The following PATJ variants were observed in gnomAD, a reference collection of about 807,000 sequenced individuals.
The protein encoded by PATJ is PATJ crumbs cell polarity complex component, also known as inaD-like protein.
PATJ carries 190 observed loss-of-function variants against 224.9 expected under a neutral mutation model. The ratio of observed to expected loss-of-function variants is 0.84; its 90% CI spans 0.75 to 0.95. The LOEUF (loss-of-function observed/expected upper bound fraction) is 0.95, where lower values mean the gene tolerates loss of function less well. Among genes scored for constraint, PATJ ranks in the 40% least tolerant of loss-of-function variants. The pLI is 0.00. For synonymous variants in PATJ, 769 were observed against 820.3 expected (o/e 0.94, Z 1.07); for missense variants, 2,121 against 2,270.3 (o/e 0.93, Z 1.34).
At chr1:61,858,962 A>ACCATCTT (rs1664135333) in intron 18 of PATJ, among the ~76,000 whole-genome samples, 1 of 152,068 alleles carries the variant, frequency 6.6e-6, no homozygotes, top group Non-Finnish European at 1.5e-5. Context: ...TGATGCCATG[A>ACCATCTT]GGTGCTTGGT....
At chr1:61,835,319 C>T (rs1659995302) in intron 17 of PATJ, among the ~76,000 whole-genome samples, 1 of 152,132 alleles carries the variant, frequency 6.6e-6, no homozygotes, top group South Asian at 2.1e-4. Context: ...TATCTAGAAC[C>T]ACTAGGTGGT....
intron 27 of PATJ, among the ~76,000 whole-genome samples, chr1:61,962,891 G>A (rs899618629): frequency 9.2e-5 from 14 of 152,160 alleles, no homozygotes; most frequent in Non-Finnish European, 1.6e-4. Context: ...TGCCAGCCCA[G>A]CCGCCAGAAA....
Position 61,897,640 on chromosome 1 carries a change from G to A in PATJ, c.3132-1943G>A, listed in dbSNP as rs942627309. On this transcript the variant is annotated intron_variant, in intron 22 of 43. Transcript: ENST00000642238. ...CCAGCTGATTCTCCTTCCTTTTAAT[G>A]AGTTTTCCTGGAAGTCTCATCTAGG... is the stretch of plus-strand genomic sequence containing the variant. Among the ~76,000 whole-genome samples the A allele has an allele frequency of 2.0e-5, 3 of 152,192 alleles. No homozygotes were observed. The East Asian group carries it at 5.8e-4, about 29-fold the overall frequency.
At chr1:61,947,778 C>A (rs1477470510) in intron 27 of PATJ, among the ~76,000 whole-genome samples, 1 of 152,160 alleles carries the variant, frequency 6.6e-6, no homozygotes, top group Non-Finnish European at 1.5e-5. Flanking sequence ...GCAAAAAGAA[C>A]AAAGCTGGAG....
chr1:61,816,988 T>A (rs545178859), intron 14 of PATJ, among the ~76,000 whole-genome samples: 1 of 152,338 alleles, frequency 6.6e-6, no homozygotes, highest in African/African-American at 2.4e-5. Context: ...CCGTAGAGAA[T>A]TATTATTCAG....
chr1:62,012,819 T>A (rs1459610423), intron 28 of PATJ, among the ~76,000 whole-genome samples: 1 of 151,998 alleles, frequency 6.6e-6, no homozygotes, highest in Non-Finnish European at 1.5e-5. Context: ...ACCCTAAATG[T>A]GTTATTTTTA....
At chr1:61,792,499 A>G (rs988431775) in intron 9 of PATJ, among the ~76,000 whole-genome samples, 2 of 151,864 alleles carry the variant, frequency 1.3e-5, no homozygotes, top group African/African-American at 4.8e-5. Context: ...GGAAAGTATC[A>G]TTTTACTATT....
intron 33 of PATJ, among the ~76,000 whole-genome samples, chr1:62,108,129 A>C (rs565488088): frequency 6.6e-6 from 1 of 152,388 alleles, no homozygotes; most frequent in Non-Finnish European, 1.5e-5. Context: ...TAAAATGTAA[A>C]TAAGAATGAC....
chr1:61,975,443 C>A (rs1040352336), intron 27 of PATJ, among the ~76,000 whole-genome samples: 2 of 152,032 alleles, frequency 1.3e-5, no homozygotes, highest in Non-Finnish European at 2.9e-5. Context: ...TAGCCCAGAG[C>A]CAGTATTCAG....
At chr1:61,962,009 G>A (rs922578416) in intron 27 of PATJ, among the ~76,000 whole-genome samples, 1 of 151,586 alleles carries the variant, frequency 6.6e-6, no homozygotes, top group African/African-American at 2.4e-5. Context: ...TGTGAATACG[G>A]AAGTCTCTGT....
In PATJ at chr1:61,850,904, T is replaced by A. The variant is rs551390870; in HGVS notation, c.2113-5126T>A. On this transcript the variant is annotated intron_variant, in intron 17 of 43. Transcript: ENST00000642238. Reference sequence around the variant, plus strand: ...CAAGAGCTTAGTAAGTGTTACCAGCTGTTGTTGTTATTCCTATATGATGGG... The same window carrying A: ...CAAGAGCTTAGTAAGTGTTACCAGCAGTTGTTGTTATTCCTATATGATGGG... 1.1e-4 allele frequency among the ~76,000 whole-genome samples: 16 copies of A among 152,342 alleles called. No individual in the cohort carries two copies. In the South Asian group the frequency reaches 1.4e-3, roughly 14 times the overall value.
intron 31 of PATJ, among the ~76,000 whole-genome samples, chr1:62,075,218 C>T (rs1434690555): frequency 6.6e-6 from 1 of 152,172 alleles, no homozygotes; most frequent in Non-Finnish European, 1.5e-5. Flanking sequence ...TGCAGTGAGG[C>T]TGGCAGCTCA....
chr1:61,793,932 C>T (rs1317400154), intron 9 of PATJ, among the ~76,000 whole-genome samples: 5 of 216 alleles, frequency 0.023, no homozygotes, highest in African/African-American at 0.05. Flanking sequence ...GACAGAATCT[C>T]GCTCTTGTTG....
At position 62,108,520 on chromosome 1, in the gene PATJ, G is replaced by C. The variant is rs1008694729; in HGVS notation, c.4461G>C (p.Glu1487Asp). 6.3e-7 allele frequency: 1 copy of C among 1,590,358 alleles called. No individual in the cohort carries two copies. Among genetic ancestry groups the C allele is most frequent in the South Asian group, 1.1e-5 (1 of 88,962 alleles). Residue 1487 changes from glutamate (E) to aspartate (D), a missense_variant and splice_region_variant, in exon 34 of 44, where the codon GAG becomes GAC. By Grantham distance (45) the Glu-to-Asp change is conservative. Transcript: ENST00000642238. ...GRLWAGDQIL[E>D]VNGVDLRNSS... ...TTTGGGCTGGTGACCAGATATTAGA[G>C]GTATATGGTTTTGAATTTTATTTTA...
At chr1:61,747,468 T>TG (rs1199132152) in intron 1 of PATJ, among the ~76,000 whole-genome samples, 1 of 152,200 alleles carries the variant, frequency 6.6e-6, no homozygotes, top group African/African-American at 2.4e-5. Context: ...CATTTGCAAA[T>TG]GGTCTGCCTT....
intron 14 of PATJ, among the ~76,000 whole-genome samples, chr1:61,813,207 G>C (rs931906236): frequency 6.6e-6 from 1 of 151,436 alleles, no homozygotes; most frequent in Non-Finnish European, 1.5e-5. Context: ...AGCACACTTT[G>C]TGTACATTTT....
chr1:61,746,378 A>G (rs917835181), intron 1 of PATJ, among the ~76,000 whole-genome samples: 53 of 152,364 alleles, frequency 3.5e-4, no homozygotes, highest in African/African-American at 1.2e-3. Flanking sequence ...CTTCTGGCCC[A>G]GAGAATTTCT....
chr1:62,160,967 C>A lies in PATJ; in HGVS notation c.5562C>A (p.Gly1854=). 6.2e-7 allele frequency: 1 copy of A among 1,613,558 alleles called. No individual in the cohort carries two copies. Among genetic ancestry groups the A allele is most frequent in the Middle Eastern group, 1.7e-4 (1 of 6,058 alleles). ...GGGATCAGATTTTAGCTGTTAATGG[C>A]GAGACCCTGGAAGGTGTTACTCATG... ...KRGDQILAVN[G]ETLEGVTHEQ... Residue 1854 remains glycine, a synonymous_variant, in exon 44 of 44, where the codon GGC becomes GGA. Coordinates refer to ENST00000642238, the MANE Select transcript of PATJ (RefSeq NM_001350145.3).
chr1:62,005,369 G>A (rs1393381273), intron 28 of PATJ, among the ~76,000 whole-genome samples: 1 of 150,262 alleles, frequency 6.7e-6, no homozygotes, highest in Non-Finnish European at 1.5e-5. Context: ...CTTAGAAGTG[G>A]AATTATTAGA....
Sources: gnomAD v4.1 joint callset for allele counts (sites outside exome capture counted in the v4.1 genomes callset) on GRCh38, gnomAD v4.1.1 for gene constraint, MANE v1.5 for transcripts, NCBI Gene and HGNC (gene_info 2026-07-23, HGNC 2026-07-21) for gene names.